Variants in DNAH3 observed in about 807,000 individuals in gnomAD.
DNAH3 encodes dynein axonemal heavy chain 3, also known as axonemal beta dynein heavy chain 3.
In DNAH3, 332 loss-of-function variants were observed where a neutral mutation model predicts 432.5. That is an observed-to-expected ratio of 0.77 (90% CI 0.70 to 0.84). DNAH3 has a LOEUF of 0.84. Among genes scored for constraint, DNAH3 ranks in the 40% least tolerant of loss-of-function variants. DNAH3 has a pLI of 0.00. For synonymous variants in DNAH3, 1,956 were observed against 1,900.2 expected (o/e 1.03, Z -0.76); for missense variants, 4,861 against 5,114.0 (o/e 0.95, Z 1.51).
intron 44 of DNAH3, among the ~76,000 whole-genome samples, chr16:20,991,789 T>C (rs1410413205): frequency 6.6e-6 from 1 of 152,180 alleles, no homozygotes; most frequent in East Asian, 1.9e-4. Flanking sequence ...TCAGATTCCA[T>C]CCCTTTGGCC....
intron 55 of DNAH3, among the ~76,000 whole-genome samples, chr16:20,953,953 A>T (rs1041141605): frequency 2.0e-5 from 3 of 152,072 alleles, no homozygotes; most frequent in Admixed American, 1.3e-4. Flanking sequence ...TAATGTCCTC[A>T]GGTTCATCCA....
At chr16:21,148,438 A>AT (rs1359862004) in intron 1 of DNAH3, among the ~76,000 whole-genome samples, 3 of 142,484 alleles carry the variant, frequency 2.1e-5, no homozygotes, top group African/African-American at 7.9e-5. Context: ...TATTATTATT[A>AT]TTTATTTTTT....
intron 7 of DNAH3, chr16:21,129,479 C>A (rs1411100372): frequency 1.3e-5 from 2 of 149,738 alleles, no homozygotes; most frequent in African/African-American, 2.5e-5. Context: ...CCTGTAATCC[C>A]GGCACTTTGG....
At chr16:20,956,241 G>A (rs1030608708) in intron 54 of DNAH3, among the ~76,000 whole-genome samples, 5 of 152,108 alleles carry the variant, frequency 3.3e-5, no homozygotes, top group African/African-American at 9.7e-5. Context: ...AGTTGCTAAC[G>A]TTTAAAAACC....
chr16:21,046,098 T>C (rs2152738746), intron 31 of DNAH3, among the ~76,000 whole-genome samples: 1 of 148,428 alleles, frequency 6.7e-6, no homozygotes, highest in Admixed American at 6.8e-5. Context: ...CTTCCCAGTA[T>C]GTGGTCAATT....
At chr16:21,158,857 C>T (rs1387487122) in intron 1 of DNAH3, 1 of 165,010 alleles carries the variant, frequency 6.1e-6, no homozygotes, top group African/African-American at 2.4e-5. Flanking sequence ...AGCGCGCTAT[C>T]GGGGTCCCAC....
At chr16:21,000,252 G>T in exon 43 of DNAH3, 1 of 1,613,982 alleles carries the variant, frequency 6.2e-7, no homozygotes, top group East Asian at 2.2e-5. Context: ...TCTTCCCTAT[G>T]GGAGGCCCGA....
intron 18 of DNAH3, among the ~76,000 whole-genome samples, chr16:21,089,999 C>T (rs1340999407): frequency 7.9e-5 from 12 of 152,000 alleles, no homozygotes; most frequent in Non-Finnish European, 1.8e-4. Flanking sequence ...GATATCACTA[C>T]CAACCTCTCA....
intron 7 of DNAH3, among the ~76,000 whole-genome samples, chr16:21,131,892 A>G (rs957413545): frequency 6.6e-6 from 1 of 151,692 alleles, no homozygotes; most frequent in African/African-American, 2.4e-5. Context: ...GAAAGAAAGG[A>G]AGAGAGAAAG....
At chr16:21,018,954 G>A (rs1168227976) in intron 41 of DNAH3, among the ~76,000 whole-genome samples, 4 of 151,818 alleles carry the variant, frequency 2.6e-5, no homozygotes, top group African/African-American at 7.3e-5. Context: ...TACCCTATAC[G>A]AAGGCATGTC....
intron 56 of DNAH3, among the ~76,000 whole-genome samples, chr16:20,948,932 C>G (rs143937957): frequency 6.6e-6 from 1 of 152,172 alleles, no homozygotes; most frequent in East Asian, 1.9e-4. Context: ...CAACCCATGC[C>G]CATCAAAACC....
At chr16:20,945,370 C>T (rs942246709) in intron 57 of DNAH3, among the ~76,000 whole-genome samples, 20 of 152,238 alleles carry the variant, frequency 1.3e-4, no homozygotes, top group African/African-American at 2.2e-4. Context: ...ACCCCTTTCC[C>T]GGAAAACTCA....
At chr16:21,070,519 G>A (rs1408520820) in intron 22 of DNAH3, among the ~76,000 whole-genome samples, 191 bp downstream of exon 22, 1 of 152,110 alleles carries the variant, frequency 6.6e-6, no homozygotes, top group African/African-American at 2.4e-5. Flanking sequence ...CTGACCTCAG[G>A]TGATCTGCCC....
At position 21,111,620 on chromosome 16, in the gene DNAH3, C is replaced by G; in HGVS notation, c.2099+6G>C. ...ATTGCTATTTGTCTGCACAGAATTA[C>G]AATACCTGGTATTGGTGTCTCGGTT... On this transcript the variant is annotated splice_donor_region_variant and intron_variant, in intron 14 of 61. Coordinates refer to ENST00000261383, the Ensembl canonical transcript of DNAH3. 6.2e-7 allele frequency: 1 copy of G among 1,607,984 alleles called. No homozygotes were observed. Among genetic ancestry groups the G allele is most frequent in the Non-Finnish European group, 8.5e-7 (1 of 1,175,072 alleles).
chr16:21,159,116 A>C (rs1380139431), intron 1 of DNAH3, among the ~76,000 whole-genome samples: 1 of 151,688 alleles, frequency 6.6e-6, no homozygotes, highest in East Asian at 1.9e-4. Flanking sequence ...ACGTCGAGGC[A>C]AACCTCCCTA....
chr16:20,943,119 C>T (rs956085969), intron 58 of DNAH3, among the ~76,000 whole-genome samples: 5 of 151,886 alleles, frequency 3.3e-5, no homozygotes, highest in Non-Finnish European at 5.9e-5. Context: ...CTCACTCTGT[C>T]GCCTAGGCTG....
chr16:21,153,461 T>A (rs929737350), intron 1 of DNAH3, among the ~76,000 whole-genome samples: 2 of 152,134 alleles, frequency 1.3e-5, no homozygotes, highest in Non-Finnish European at 2.9e-5. Flanking sequence ...CAGCACCCTG[T>A]CAAAACAGAC....
intron 1 of DNAH3, among the ~76,000 whole-genome samples, chr16:21,146,547 G>C (rs1247287585): frequency 6.6e-6 from 1 of 152,156 alleles, no homozygotes; most frequent in Non-Finnish European, 1.5e-5. Flanking sequence ...ATACATTATA[G>C]AGTGACTAAA....
At chr16:21,138,928 C>T (rs571627966) in intron 5 of DNAH3, among the ~76,000 whole-genome samples, 35 of 152,252 alleles carry the variant, frequency 2.3e-4, no homozygotes, top group African/African-American at 3.6e-4. Context: ...CTCCACTTTC[C>T]GCAACTGGAC....
Sources: allele counts gnomAD v4.1 joint callset (sites outside exome capture counted in the v4.1 genomes callset), GRCh38; gene constraint gnomAD v4.1.1; transcripts MANE v1.5; gene names NCBI Gene and HGNC (gene_info 2026-07-23, HGNC 2026-07-21).